Variants in N4BP2L1 observed in about 807,000 individuals in gnomAD.
N4BP2L1 encodes the protein NEDD4-binding protein 2-like 1.
In N4BP2L1, 12 loss-of-function variants were observed where a neutral mutation model predicts 21.2. That is an observed-to-expected ratio of 0.57 (90% confidence interval 0.36 to 0.92). The LOEUF (loss-of-function observed/expected upper bound fraction) is 0.92, where lower values mean the gene tolerates loss of function less well. Among genes scored for constraint, N4BP2L1 ranks in the 40% least tolerant of loss-of-function variants. The pLI, the probability that N4BP2L1 is intolerant of heterozygous loss-of-function variation, is 0.01. For synonymous variants in N4BP2L1, 104 were observed against 112.8 expected (o/e 0.92, Z 0.49); for missense variants, 259 against 310.6 (o/e 0.83, Z 1.25).
chr13:32,403,021 A>AACTC lies in N4BP2L1; in HGVS notation c.649_652dup (p.Phe218Ter). The AACTC allele has an allele frequency of 6.2e-7, 1 of 1,614,088 alleles. No individual in the cohort carries two copies. Among genetic ancestry groups the AACTC allele is most frequent in the Non-Finnish European group, 8.5e-7 (1 of 1,180,010 alleles). Reference sequence around the variant, plus strand: ...TCCACCGTGGGCCCTCCGGTTTGGAAACTCTGTGTAGGAATTCCAGTATCT... The same window carrying AACTC: ...TCCACCGTGGGCCCTCCGGTTTGGAAACTCACTCTGTGTAGGAATTCCAGTATCT... On this transcript the variant is annotated stop_gained and frameshift_variant, in exon 5 of 5. Coordinates refer to ENST00000380130, the MANE Select transcript of N4BP2L1 (RefSeq NM_052818.3). LOFTEE classifies it low-confidence loss of function (END_TRUNC).
chr13:32,414,804 C>T (rs115950361), intron 1 of N4BP2L1, among the ~76,000 whole-genome samples: 219 of 152,232 alleles, frequency 1.4e-3, no homozygotes, highest in African/African-American at 4.2e-3. Flanking sequence ...GGGTTTCTAC[C>T]GTTTGCATGT....
upstream of N4BP2L1, among the ~76,000 whole-genome samples, chr13:32,429,079 T>C (rs537972079): frequency 6.6e-6 from 1 of 152,402 alleles, no homozygotes; most frequent in Admixed American, 6.5e-5. Context: ...GCTTTGGCTA[T>C]AATAATTATT....
chr13:32,403,628 CTG>C (rs1283468335), intron 4 of N4BP2L1: 2 of 512,696 alleles, frequency 3.9e-6, no homozygotes, highest in Non-Finnish European at 8.0e-6. Context: ...GAAGAATCAA[CTG>C]GGGATATAGT....
intron 1 of N4BP2L1, chr13:32,416,803 C>CT (rs35354587): frequency 0.054 from 8,099 of 148,708 alleles, 718 homozygotes; most frequent in African/African-American, 0.19. Flanking sequence ...TATGCGAACT[C>CT]TTTTTTTTTT....
chr13:32,416,025 G>A (rs1432495456), intron 1 of N4BP2L1: 1 of 152,182 alleles, frequency 6.6e-6, no homozygotes, highest in South Asian at 2.1e-4. Flanking sequence ...CAAGTACCTA[G>A]AACACTGTGT....
chr13:32,415,088 T>C (rs756484955), intron 1 of N4BP2L1, among the ~76,000 whole-genome samples: 1 of 152,238 alleles, frequency 6.6e-6, no homozygotes, highest in Non-Finnish European at 1.5e-5. Context: ...AATGTCTATA[T>C]CTTGTGTGTA....
intron 1 of N4BP2L1, among the ~76,000 whole-genome samples, chr13:32,427,624 G>A (rs1325488647): frequency 1.3e-5 from 2 of 152,148 alleles, no homozygotes; most frequent in Non-Finnish European, 2.9e-5. Flanking sequence ...CGTCCCCCCC[G>A]GGACAGCGCG....
intron 1 of N4BP2L1, among the ~76,000 whole-genome samples, chr13:32,415,634 C>T (rs2137874196): frequency 6.6e-6 from 1 of 152,310 alleles, no homozygotes; most frequent in Middle Eastern, 3.4e-3. Context: ...TTTTCTGCTT[C>T]TTAACCAACT....
chr13:32,402,030 T>C lies in N4BP2L1; in HGVS notation c.*912A>G, dbSNP rs1022686316. ...CTCATTTTGTAATGAGCATGGCTTT[T>C]ATATATCCCTGTATGACCTATATCC... On this transcript the variant is annotated 3_prime_UTR_variant, in exon 5 of 5. Coordinates refer to ENST00000380130, the MANE Select transcript of N4BP2L1 (RefSeq NM_052818.3). The C allele has an allele frequency of 2.0e-6, 2 of 985,342 alleles. No individual in the cohort carries two copies. Among genetic ancestry groups the C allele is most frequent in the Admixed American group, 1.2e-4 (2 of 16,268 alleles). The allele number at this position is 985,342 out of a possible 1,614,324, so 61.0% of individuals were successfully genotyped here. A position where few individuals can be genotyped will look rare whatever the true frequency, so the allele number is the denominator to read the frequency against.
At position 32,402,233 on chromosome 13, in the gene N4BP2L1, T is replaced by C; in HGVS notation, c.*709A>G. 1 of 923,208 alleles carries C rather than the reference T, an allele frequency of 1.1e-6. No individual in the cohort carries two copies. Among genetic ancestry groups the C allele is most frequent in the Non-Finnish European group, 1.3e-6 (1 of 773,234 alleles). 57.2% of individuals were successfully genotyped at this position (923,208 alleles called of 1,614,324 possible). On this transcript the variant is annotated 3_prime_UTR_variant, in exon 5 of 5. Coordinates refer to ENST00000380130, the MANE Select transcript of N4BP2L1 (RefSeq NM_052818.3). ...AAAAGTTATTCAGGTTTAATCCTGC[T>C]GAATAAAGTAGTAAAAACACAAGGC... is the stretch of plus-strand genomic sequence containing the variant.
chr13:32,428,276 G>C (rs1016672977), upstream of N4BP2L1: 3 of 439,034 alleles, frequency 6.8e-6, no homozygotes, highest in African/African-American at 6.1e-5. Context: ...AGCTGGGGAC[G>C]CTGGGAGACT....
At chr13:32,406,573 T>G (rs6561306) in intron 3 of N4BP2L1, 8,211 of 151,766 alleles carry the variant, frequency 0.054, 723 homozygotes, top group African/African-American at 0.19. Context: ...AGGTTCAAGC[T>G]ATTCTCCTGC....
At chr13:32,427,472 CGAA>C (rs1164864496) in intron 1 of N4BP2L1, among the ~76,000 whole-genome samples, 3 of 152,234 alleles carry the variant, frequency 2.0e-5, no homozygotes, top group South Asian at 2.1e-4. Context: ...CGGGTTTTCC[CGAA>C]GAAGAGTCCC....
chr13:32,429,342 G>A (rs1941482257), upstream of N4BP2L1, among the ~76,000 whole-genome samples: 1 of 152,196 alleles, frequency 6.6e-6, no homozygotes, highest in African/African-American at 2.4e-5. Context: ...CGTGGAGGAA[G>A]AATACTTTCC....
intron 1 of N4BP2L1, among the ~76,000 whole-genome samples, chr13:32,422,975 A>G (rs1442123974): frequency 6.9e-6 from 1 of 143,886 alleles, no homozygotes; most frequent in Non-Finnish European, 1.5e-5. Flanking sequence ...TATTAATGAG[A>G]GCCCTGGCCT....
upstream of N4BP2L1, among the ~76,000 whole-genome samples, chr13:32,429,066 G>C (rs533519132): frequency 1.3e-5 from 2 of 152,246 alleles, no homozygotes; most frequent in South Asian, 2.1e-4. Flanking sequence ...AGAATATATG[G>C]TGGCTTTGGC....
Position 32,407,734 on chromosome 13 carries a change from C to T in N4BP2L1, c.218G>A (p.Ser73Asn). 1.9e-6 allele frequency: 3 copies of T among 1,606,842 alleles called. No individual in the cohort carries two copies. The South Asian group carries it at 3.4e-5, about 18-fold the overall frequency. Residue 73 changes from serine (S) to asparagine (N), a missense_variant, in exon 2 of 5, where the codon AGC becomes AAC. By Grantham distance (46) the Ser-to-Asn change is conservative (BLOSUM62 1). This residue lies in a region of N4BP2L1 where 91 missense variants were observed against 148.1 expected (regional missense o/e 0.61). Coordinates refer to ENST00000380130, the MANE Select transcript of N4BP2L1 (RefSeq NM_052818.3). The stretch of plus-strand genomic sequence containing the variant: ...TTCCCTGAAGAAAAAATCATCCGTG[C>T]TGAAAATCAGGGCCCTGGGAAAGTC... ...QHDFPRALIF[S>N]TDDFFFREDG...
chr13:32,423,158 G>A (rs897627434), intron 1 of N4BP2L1, among the ~76,000 whole-genome samples: 2 of 152,080 alleles, frequency 1.3e-5, no homozygotes, highest in East Asian at 1.9e-4. Flanking sequence ...CCCCATCTCC[G>A]CCTTACCATT....
At chr13:32,428,294 C>T (rs1347960904), upstream of N4BP2L1, 5 of 406,838 alleles carry the variant, frequency 1.2e-5, no homozygotes, top group East Asian at 7.4e-5. Flanking sequence ...ACTCACAGCC[C>T]GGAAAACAAG....
Sources: allele counts gnomAD v4.1 joint callset (sites outside exome capture counted in the v4.1 genomes callset), GRCh38; gene constraint gnomAD v4.1.1; regional missense constraint gnomAD v4.1.1; transcripts MANE v1.5; gene names NCBI Gene and HGNC (gene_info 2026-07-23, HGNC 2026-07-21).